The following DYNC2H1 variants were observed in gnomAD, a reference collection of about 807,000 sequenced individuals.
DYNC2H1 encodes the protein cytoplasmic dynein 2 heavy chain 1.
A neutral mutation model predicts 570.0 loss-of-function variants in DYNC2H1; 410 were observed. That is an observed-to-expected ratio of 0.72 (90% CI 0.66 to 0.78). The LOEUF is 0.78. DYNC2H1 is among the 30% of genes least tolerant of loss of function. The pLI, the probability that DYNC2H1 is intolerant of heterozygous loss-of-function variation, is 0.00. For missense variants in DYNC2H1, 4,865 were observed against 5,046.4 expected (o/e 0.96, Z 1.09); for synonymous variants, 1,688 against 1,677.6 (o/e 1.01, Z -0.15).
Position 103,203,675 on chromosome 11 carries a change from G to T in DYNC2H1, c.8210G>T (p.Gly2737Val). 6.2e-7 allele frequency: 1 copy of T among 1,603,168 alleles called. No individual in the cohort carries two copies. Among genetic ancestry groups the T allele is most frequent in the East Asian group, 2.2e-5 (1 of 44,632 alleles). ...TATTTTTCTGTAGGTGAAGTTCCTG[G>T]ACTCTATACTCTTGAAGAATTAGAG... ...NSLLSSGEVPGLYTLEELEPL... is the reference protein window; with the variant it reads ...NSLLSSGEVPVLYTLEELEPL... The change falls in exon 51 of 89, where the codon GGA (glycine) becomes GTA (valine). Residue 2737 changes from glycine to valine, a missense_variant. Gly to Val is a moderately radical substitution (Grantham distance 109, BLOSUM62 -3). This residue lies in a region of DYNC2H1 where 2,401 missense variants were observed against 2,454.6 expected (regional missense o/e 0.98). Coordinates refer to ENST00000375735, the MANE Select transcript of DYNC2H1 (RefSeq NM_001377.3). This position sits in a 1 kb window ranked among gnomAD's most constrained non-coding sequence, Gnocchi z 4.7.
intron 65 of DYNC2H1, among the ~76,000 whole-genome samples, chr11:103,251,788 C>T (rs1225001352): frequency 6.6e-6 from 1 of 152,092 alleles, no homozygotes; most frequent in East Asian, 1.9e-4. Context: ...TGTGTCTGGC[C>T]TACTTTACTT....
intron 59 of DYNC2H1, among the ~76,000 whole-genome samples, chr11:103,226,918 G>A (rs1015613272): frequency 3.3e-5 from 5 of 152,148 alleles, no homozygotes; most frequent in African/African-American, 7.2e-5. Context: ...TAATCTAGGC[G>A]GGTTGTATAT....
chr11:103,263,509 G>A (rs1390753497), intron 70 of DYNC2H1, among the ~76,000 whole-genome samples: 1 of 152,074 alleles, frequency 6.6e-6, no homozygotes, highest in East Asian at 1.9e-4. Flanking sequence ...ATAACAAATA[G>A]TCTCTCACAA....
chr11:103,423,419 A>T (rs56403336), intron 84 of DYNC2H1, among the ~76,000 whole-genome samples: 3 of 30,060 alleles, frequency 1.0e-4, no homozygotes, highest in South Asian at 1.9e-3. Context: ...AAAAAAAAAA[A>T]AAAAAAAAAA....
intron 69 of DYNC2H1, among the ~76,000 whole-genome samples, chr11:103,259,119 T>C (rs1226176947): frequency 6.6e-6 from 1 of 152,224 alleles, no homozygotes. Context: ...TACTAGGTTT[T>C]TTTCTTGGTA....
chr11:103,309,922 G>A (rs1326146802), intron 78 of DYNC2H1, among the ~76,000 whole-genome samples: 2 of 151,792 alleles, frequency 1.3e-5, no homozygotes, highest in African/African-American at 4.8e-5. Flanking sequence ...TATTTTTATG[G>A]GAATTTCCAA....
At chr11:103,362,957 G>A (rs1940730428) in intron 83 of DYNC2H1, among the ~76,000 whole-genome samples, 2 of 152,066 alleles carry the variant, frequency 1.3e-5, no homozygotes, top group Admixed American at 1.3e-4. Flanking sequence ...CCTGAACCCG[G>A]GAGACAGAGG....
intron 22 of DYNC2H1, 73 bp downstream of exon 22, chr11:103,153,581 T>A (rs1250460091): frequency 7.8e-7 from 1 of 1,288,842 alleles, no homozygotes; most frequent in Non-Finnish European, 1.1e-6. Context: ...GTAATTTTCT[T>A]ATGTCTGTTA....
At chr11:103,210,961 T>C (rs1204088372) in intron 53 of DYNC2H1, among the ~76,000 whole-genome samples, 2 of 152,080 alleles carry the variant, frequency 1.3e-5, no homozygotes, top group Non-Finnish European at 2.9e-5. Flanking sequence ...GAAACAAATA[T>C]CTTTATATAT....
intron 11 of DYNC2H1, among the ~76,000 whole-genome samples, chr11:103,123,419 T>C (rs1858824810): frequency 6.6e-6 from 1 of 152,212 alleles, no homozygotes; most frequent in African/African-American, 2.4e-5. Context: ...CCACGTAATA[T>C]GGCTTTGGTA....
At chr11:103,279,246 T>C (rs1313609711) in intron 70 of DYNC2H1, among the ~76,000 whole-genome samples, 2 of 152,228 alleles carry the variant, frequency 1.3e-5, no homozygotes, top group African/African-American at 4.8e-5. Flanking sequence ...ATTTACTCAA[T>C]TTTGTATGCC....
intron 87 of DYNC2H1, among the ~76,000 whole-genome samples, chr11:103,462,933 C>T (rs1945069123): frequency 1.3e-5 from 2 of 152,114 alleles, no homozygotes; most frequent in Admixed American, 6.6e-5. Context: ...GTACAAATTT[C>T]AGAGTACAGC....
In DYNC2H1 at chr11:103,135,707, T is replaced by C; in HGVS notation, c.2346-13T>C. On this transcript the variant is annotated splice_polypyrimidine_tract_variant and intron_variant, in intron 16 of 88. Coordinates refer to ENST00000375735, the MANE Select transcript of DYNC2H1 (RefSeq NM_001377.3). ...TAACAATTTATGTTTTAAAGTTATT[T>C]ATTTACTTTTAGACAGGGACGATTA... The C allele has an allele frequency of 6.2e-7, 1 of 1,604,650 alleles. No homozygotes were observed. The highest frequency in any genetic ancestry group is 1.7e-5 in the Admixed American group (1 of 58,852).
intron 85 of DYNC2H1, among the ~76,000 whole-genome samples, chr11:103,447,946 T>C (rs1639340001): frequency 6.6e-6 from 1 of 152,110 alleles, no homozygotes; most frequent in Admixed American, 6.6e-5. Flanking sequence ...TTTTTTATGT[T>C]ATTTGCAACT....
intron 82 of DYNC2H1, among the ~76,000 whole-genome samples, chr11:103,348,918 A>G (rs532334471): frequency 4.2e-4 from 64 of 152,172 alleles, no homozygotes; most frequent in African/African-American, 1.4e-3. Flanking sequence ...TTTCCCCCAC[A>G]TTGCTCTGCA....
At chr11:103,233,194 T>C (rs1864080096) in intron 60 of DYNC2H1, among the ~76,000 whole-genome samples, 1 of 151,894 alleles carries the variant, frequency 6.6e-6, no homozygotes, top group African/African-American at 2.4e-5. Flanking sequence ...TGATTATTGA[T>C]GAGAACCTGA....
intron 50 of DYNC2H1, among the ~76,000 whole-genome samples, chr11:103,202,393 G>A (rs1252842658): frequency 6.9e-6 from 1 of 145,750 alleles, no homozygotes; most frequent in Non-Finnish European, 1.5e-5. Flanking sequence ...AGATATAATC[G>A]TAAAAATGAG....
In DYNC2H1 at chr11:103,133,437, A is replaced by G. The variant is rs967599096; in HGVS notation, c.1954-118A>G. 11 of 878,918 alleles carry G rather than the reference A, an allele frequency of 1.3e-5. No homozygotes were observed. The African/African-American group carries it at 1.8e-4, about 14-fold the overall frequency. The allele number at this position is 878,918 out of a possible 1,614,324, so 54.4% of individuals were successfully genotyped here. A position where few individuals can be genotyped will look rare whatever the true frequency, so the allele number is the denominator to read the frequency against. ...ATCATTTATAAAATGGAAAATTATTATGTGCTTTCTTTGTTGCAGGTCAGA... is the reference window on the plus strand; with the variant it reads ...ATCATTTATAAAATGGAAAATTATTGTGTGCTTTCTTTGTTGCAGGTCAGA... On this transcript the variant is annotated intron_variant, in intron 13 of 88. Coordinates refer to ENST00000375735, the MANE Select transcript of DYNC2H1 (RefSeq NM_001377.3). The surrounding 1 kb of genome is among the most constrained non-coding windows in gnomAD (Gnocchi z 4.8).
intron 70 of DYNC2H1, among the ~76,000 whole-genome samples, chr11:103,270,201 A>T (rs1484346071): frequency 1.5e-4 from 23 of 151,314 alleles, no homozygotes; most frequent in East Asian, 5.8e-4. Flanking sequence ...TCAAAAAAAA[A>T]AAAAAAAATA....
Sources: gnomAD v4.1 joint callset for allele counts (sites outside exome capture counted in the v4.1 genomes callset) on GRCh38, gnomAD v4.1.1 for gene constraint, gnomAD v4.1.1 regional missense constraint, Gnocchi (gnomAD v3.1) non-coding constraint, MANE v1.5 for transcripts, NCBI Gene and HGNC (gene_info 2026-07-23, HGNC 2026-07-21) for gene names.